The following SLC10A4 variants were observed in gnomAD, a reference collection of about 807,000 sequenced individuals.
SLC10A4 encodes solute carrier family 10 member 4.
SLC10A4 carries 17 observed loss-of-function variants against 22.5 expected under a neutral mutation model. The observed-to-expected ratio is 0.76, with a 90% CI of 0.52 to 1.14. The LOEUF is 1.14. Among genes scored for constraint, SLC10A4 ranks in the 50% most tolerant of loss-of-function variants. The pLI is 0.00. For synonymous variants in SLC10A4, 257 were observed against 258.2 expected (o/e 1.00, Z 0.04); for missense variants, 548 against 584.0 (o/e 0.94, Z 0.64).
chr4:48,487,243 A>G (rs1718298216), intron 2 of SLC10A4, among the ~76,000 whole-genome samples: 1 of 152,232 alleles, frequency 6.6e-6, no homozygotes. Flanking sequence ...GCATCATTAC[A>G]GACTTATAGA....
At chr4:48,488,348 G>A in intron 2 of SLC10A4, 79 bp from the exon 3 acceptor site, 1 of 1,286,020 alleles carries the variant, frequency 7.8e-7, no homozygotes, top group Non-Finnish European at 1.1e-6. Flanking sequence ...CATACTAGAT[G>A]GGTGTTTTCT....
At chr4:48,487,633 A>C (rs1718302986) in intron 2 of SLC10A4, among the ~76,000 whole-genome samples, 1 of 152,174 alleles carries the variant, frequency 6.6e-6, no homozygotes, top group South Asian at 2.1e-4. Flanking sequence ...TTCTCAGAAC[A>C]GTCAGGATAC....
chr4:48,485,763 T>TTTTCTTTC (rs1318920660), intron 2 of SLC10A4, among the ~76,000 whole-genome samples: 1 of 152,208 alleles, frequency 6.6e-6, no homozygotes, highest in African/African-American at 2.4e-5. Flanking sequence ...ATGTGTTTCT[T>TTTTCTTTC]TTTCTTTCTC....
rs751960693 is a variant in SLC10A4 at position 48,484,028 on chromosome 4, T to C, written c.467T>C (p.Leu156Pro). 8 of 1,597,590 alleles carry C rather than the reference T, an allele frequency of 5.0e-6. No individual in the cohort carries two copies. The highest frequency in any genetic ancestry group is 1.3e-5 in the African/African-American group (1 of 74,862). The change falls in exon 1 of 3, where the codon CTG becomes CCG. Residue 156 changes from leucine to proline, a missense_variant. Physicochemically the swap from Leu to Pro is moderately conservative, Grantham distance 98. Coordinates refer to ENST00000273861, the MANE Select transcript of SLC10A4 (RefSeq NM_152679.4). ...QFGLLPLLAFLLALAFKLDEV... is the reference protein window; with the variant it reads ...QFGLLPLLAFPLALAFKLDEV... ...GGCCTCCTGCCGCTGCTGGCCTTCC[T>C]GCTGGCCCTCGCCTTCAAGCTGGAC...
In SLC10A4 at chr4:48,483,460, C is replaced by G; in HGVS notation, c.-102C>G. 1 of 979,518 alleles carries G rather than the reference C, an allele frequency of 1.0e-6. No homozygotes were observed. Among genetic ancestry groups the G allele is most frequent in the Admixed American group, 3.9e-5 (1 of 25,506 alleles). 60.7% of individuals were successfully genotyped at this position (979,518 alleles called of 1,614,324 possible). A position where few individuals can be genotyped will look rare whatever the true frequency, so the allele number is the denominator to read the frequency against. The stretch of plus-strand genomic sequence containing the variant: ...ACGTCAGCGGCGCGCAGCCGGGGCT[C>G]GGAGACCGACGGGCAGAACGACGGG... On this transcript the variant is annotated 5_prime_UTR_variant, in exon 1 of 3. Coordinates refer to ENST00000273861, the MANE Select transcript of SLC10A4 (RefSeq NM_152679.4). This position sits in a 1 kb window ranked among gnomAD's most constrained non-coding sequence, Gnocchi z 5.4.
chr4:48,485,580 G>A (rs1219227258), intron 2 of SLC10A4, among the ~76,000 whole-genome samples: 1 of 152,226 alleles, frequency 6.6e-6, no homozygotes, highest in Non-Finnish European at 1.5e-5. Flanking sequence ...GAGAAACTCT[G>A]TAGTAGGTTC....
Position 48,483,846 on chromosome 4 carries a change from G to A in SLC10A4, c.285G>A (p.Pro95=), listed in dbSNP as rs753424181. The change falls in exon 1 of 3, where the codon CCG becomes CCA. Residue 95 remains proline, a synonymous_variant. Coordinates refer to ENST00000273861, the MANE Select transcript of SLC10A4 (RefSeq NM_152679.4). This position sits in a 1 kb window ranked among gnomAD's most constrained non-coding sequence, Gnocchi z 5.4. ...FPRPWAPHAL[P]FWDTPLNHGL... is the part of the protein sequence containing the mutation. Reference sequence around the variant, plus strand: ...GGCCCTGGGCGCCCCACGCGCTCCCGTTCTGGGACACGCCGCTGAACCACG... The same window carrying A: ...GGCCCTGGGCGCCCCACGCGCTCCCATTCTGGGACACGCCGCTGAACCACG... 8.4e-6 allele frequency: 13 copies of A among 1,539,738 alleles called. No individual in the cohort carries two copies. The highest frequency in any genetic ancestry group is 2.4e-5 in the South Asian group (2 of 83,644).
chr4:48,487,517 A>G (rs1458385666), intron 2 of SLC10A4, among the ~76,000 whole-genome samples: 1 of 152,216 alleles, frequency 6.6e-6, no homozygotes, highest in African/African-American at 2.4e-5. Context: ...CAGTTCAGGG[A>G]AAGTAAACAT....
intron 2 of SLC10A4, among the ~76,000 whole-genome samples, chr4:48,485,368 A>G (rs1363697770): frequency 3.3e-5 from 5 of 152,256 alleles, no homozygotes; most frequent in Admixed American, 6.5e-5. Flanking sequence ...CAAAACCAGC[A>G]TAAGAGAACT....
chr4:48,488,289 C>T, intron 2 of SLC10A4, 138 bp from the exon 3 acceptor site: 1 of 739,950 alleles, frequency 1.4e-6, no homozygotes. Context: ...AGGTGGCCTG[C>T]CCATCTTCAG....
intron 2 of SLC10A4, among the ~76,000 whole-genome samples, chr4:48,487,489 T>C (rs559271889): frequency 6.6e-6 from 1 of 152,334 alleles, no homozygotes; most frequent in East Asian, 1.9e-4. Flanking sequence ...ACTAATTTCT[T>C]ATGGAAAACA....
Position 48,488,959 on chromosome 4 carries a change from C to T in SLC10A4, c.*20C>T, listed in dbSNP as rs1394812751. On this transcript the variant is annotated 3_prime_UTR_variant, in exon 3 of 3. Coordinates refer to ENST00000273861, the MANE Select transcript of SLC10A4 (RefSeq NM_152679.4). ...CTCTAAATGTGGAGATACACAGGAG[C>T]TTCTATCTTGCTGAAATATTGCTTC... The T allele has an allele frequency of 1.3e-6, 2 of 1,551,690 alleles. No individual in the cohort carries two copies. Among genetic ancestry groups the T allele is most frequent in the East Asian group, 2.2e-5 (1 of 44,524 alleles).
intron 2 of SLC10A4, 130 bp downstream of exon 2, chr4:48,485,272 A>AC: frequency 2.3e-6 from 2 of 881,810 alleles, no homozygotes; most frequent in Non-Finnish European, 3.4e-6. Context: ...CATGGATAAA[A>AC]TTTTTTTTAA....
Position 48,489,083 on chromosome 4 carries a change from G to A in SLC10A4, c.*144G>A. On this transcript the variant is annotated 3_prime_UTR_variant, in exon 3 of 3. Transcript: ENST00000273861. Reference sequence around the variant, plus strand: ...TCTGATCTTTTTAAGGTTCACTGGTGTATTAACCAAACGTTGTCACAAATT... The same window carrying A: ...TCTGATCTTTTTAAGGTTCACTGGTATATTAACCAAACGTTGTCACAAATT... 1 of 962,080 alleles carries A rather than the reference G, an allele frequency of 1.0e-6. No individual in the cohort carries two copies. Among genetic ancestry groups the A allele is most frequent in the East Asian group, 2.7e-5 (1 of 37,122 alleles). The allele number at this position is 962,080 out of a possible 1,614,324, so 59.6% of individuals were successfully genotyped here.
rs568123030 is a variant in SLC10A4, at chr4:48,486,517, A to G, written c.801+1375A>G. Among the ~76,000 whole-genome samples the G allele has an allele frequency of 2.0e-5, 3 of 149,230 alleles. No homozygotes were observed. The South Asian group carries it at 6.2e-4, about 31-fold the overall frequency. The stretch of plus-strand genomic sequence containing the variant: ...ATATTTAAAATAAATATATTAATAA[A>G]TTAATATATTTAATATTTAAATATA... On this transcript the variant is annotated intron_variant, in intron 2 of 2. Coordinates refer to ENST00000273861, the MANE Select transcript of SLC10A4 (RefSeq NM_152679.4).
chr4:48,484,930 A>G lies in SLC10A4; in HGVS notation c.591-2A>G. The G allele has an allele frequency of 6.2e-7, 1 of 1,610,824 alleles. No individual in the cohort carries two copies. Among genetic ancestry groups the G allele is most frequent in the Non-Finnish European group, 8.5e-7 (1 of 1,177,918 alleles). On this transcript the variant is annotated splice_acceptor_variant, in intron 1 of 2. Coordinates refer to ENST00000273861, the MANE Select transcript of SLC10A4 (RefSeq NM_152679.4). LOFTEE classifies it high-confidence loss of function. ...GATTTCTGCACATTCCCTTTTCTGCAGCATCATCATGACCATCTCCTCCAC... is the reference window on the plus strand; with the variant it reads ...GATTTCTGCACATTCCCTTTTCTGCGGCATCATCATGACCATCTCCTCCAC...
chr4:48,489,235 C>G lies in SLC10A4; in HGVS notation c.*296C>G, dbSNP rs1259131406. The G allele has an allele frequency of 4.1e-6, 1 of 244,554 alleles. No individual in the cohort carries two copies. The allele number at this position is 244,554 out of a possible 1,614,324, so 15.1% of individuals were successfully genotyped here. A position where few individuals can be genotyped will look rare whatever the true frequency, so the allele number is the denominator to read the frequency against. ...TGCAAATACAGAATCTATTAGAAAACAGGGTCTTGGAAATGTAGAATTTTG... is the reference window on the plus strand; with the variant it reads ...TGCAAATACAGAATCTATTAGAAAAGAGGGTCTTGGAAATGTAGAATTTTG... On this transcript the variant is annotated 3_prime_UTR_variant, in exon 3 of 3. Coordinates refer to ENST00000273861, the MANE Select transcript of SLC10A4 (RefSeq NM_152679.4).
intron 2 of SLC10A4, among the ~76,000 whole-genome samples, chr4:48,487,987 A>G (rs1718310693): frequency 6.6e-6 from 1 of 151,436 alleles, no homozygotes; most frequent in South Asian, 2.1e-4. Context: ...TATTTTTAGT[A>G]GAGACAGTGT....
chr4:48,484,209 G>A, intron 1 of SLC10A4, 58 bp downstream of exon 1: 3 of 1,468,638 alleles, frequency 2.0e-6, no homozygotes, highest in Non-Finnish European at 1.8e-6. Flanking sequence ...GTTTACGGCC[G>A]TGGGCTCACG....
Sources: allele counts gnomAD v4.1 joint callset (sites outside exome capture counted in the v4.1 genomes callset), GRCh38; gene constraint gnomAD v4.1.1; non-coding constraint Gnocchi (gnomAD v3.1); transcripts MANE v1.5; gene names NCBI Gene and HGNC (gene_info 2026-07-23, HGNC 2026-07-21).